Variants in TNS3 observed in about 807,000 individuals in gnomAD.
TNS3 encodes tensin 3, also known as tensin-3.
A neutral mutation model predicts 140.9 loss-of-function variants in TNS3; 45 were observed. The observed-to-expected ratio is 0.32, with a 90% confidence interval of 0.25 to 0.41. TNS3 has a LOEUF of 0.41. Among genes scored for constraint, TNS3 ranks in the 10% least tolerant of loss-of-function variants. The pLI, the probability that TNS3 is intolerant of heterozygous loss-of-function variation, is 1.00. For synonymous variants in TNS3, 815 were observed against 788.4 expected (o/e 1.03, Z -0.56); for missense variants, 1,716 against 1,906.7 (o/e 0.90, Z 1.86).
chr7:47,396,378 A>C (rs1179819561), intron 16 of TNS3, among the ~76,000 whole-genome samples: 1 of 152,270 alleles, frequency 6.6e-6, no homozygotes, highest in Admixed American at 6.5e-5. Flanking sequence ...ACTAACAAGC[A>C]AACAGAAATT....
chr7:47,394,848 C>T (rs1792734962), intron 16 of TNS3, among the ~76,000 whole-genome samples: 1 of 152,258 alleles, frequency 6.6e-6, no homozygotes, highest in African/African-American at 2.4e-5. Flanking sequence ...CTGGTTGTGA[C>T]ATGGGAAGGA....
intron 1 of TNS3, among the ~76,000 whole-genome samples, chr7:47,565,355 A>G (rs556772829): frequency 4.8e-4 from 72 of 150,138 alleles, no homozygotes; most frequent in Non-Finnish European, 9.5e-4. Flanking sequence ...GATTACAGGC[A>G]TGAGCCACCG....
At chr7:47,352,292 ATT>A (rs1789728540) in intron 17 of TNS3, among the ~76,000 whole-genome samples, 3 of 152,086 alleles carry the variant, frequency 2.0e-5, no homozygotes, top group Admixed American at 2.0e-4. Context: ...TGATACACAC[ATT>A]GTCACACTCA....
rs56823708 is a variant in TNS3, at chr7:47,361,206, C to CAAAAA, written c.2281+7154_2281+7158dup. On this transcript the variant is annotated intron_variant, in intron 17 of 30. Coordinates refer to ENST00000311160, the MANE Select transcript of TNS3 (RefSeq NM_022748.12). ...TCTTCTGGTAAGACAGTAACCATGC[C>CAAAAA]AAAAAAAAAAAAAAAAAACAAGCAA... is the stretch of plus-strand genomic sequence containing the variant. Among the ~76,000 whole-genome samples, 273 of 47,176 alleles carry CAAAAA rather than the reference C, an allele frequency of 5.8e-3. 6 individuals carry two copies. Among genetic ancestry groups the CAAAAA allele is most frequent in the East Asian group, 0.011 (19 of 1,696 alleles). The allele number at this position is 47,176 out of a possible 152,430, so 30.9% of individuals were successfully genotyped here. A position where few individuals can be genotyped will look rare whatever the true frequency, so the allele number is the denominator to read the frequency against.
At position 47,344,804 on chromosome 7, in the gene TNS3, T is replaced by C. The variant is rs757904976; in HGVS notation, c.2601A>G (p.Pro867=). The change falls in exon 20 of 31, where the codon CCA becomes CCG. Residue 867 remains proline (P), a synonymous_variant. Coordinates refer to ENST00000311160, the MANE Select transcript of TNS3 (RefSeq NM_022748.12). ...CTGGGCTGCTCAGCGGGGGCTCAGG[T>C]GGGCTGAACGGAGGATGGCGCAGCG... The part of the protein sequence containing the change: ...KTALRHPPFS[P]PEPPLSSPAS... 42 of 1,613,194 alleles carry C rather than the reference T, an allele frequency of 2.6e-5. No homozygotes were observed. The highest frequency in any genetic ancestry group is 3.4e-5 in the Non-Finnish European group (40 of 1,180,012).
At position 47,415,076 on chromosome 7, in the gene TNS3, G is replaced by GTCATA; in HGVS notation, c.586+13_586+17dup. On this transcript the variant is annotated intron_variant, in intron 11 of 30. Transcript: ENST00000311160. ...TGGGCCAGCCAATCGCAGGTGCCAC[G>GTCATA]TCATAGGGGACACTCACCTCCACCT... is the stretch of plus-strand genomic sequence containing the variant. 6.3e-7 allele frequency: 1 copy of GTCATA among 1,592,898 alleles called. No individual in the cohort carries two copies. The highest frequency in any genetic ancestry group is 1.7e-4 in the Middle Eastern group (1 of 5,932).
chr7:47,404,939 G>A (rs1793362477), intron 13 of TNS3, among the ~76,000 whole-genome samples: 3 of 152,110 alleles, frequency 2.0e-5, no homozygotes, highest in South Asian at 2.1e-4. Flanking sequence ...GACTGGACTG[G>A]ACAAGTTGCT....
At chr7:47,437,403 A>G (rs1795237581) in intron 6 of TNS3, 90 bp from the exon 7 acceptor site, 1 of 518,140 alleles carries the variant, frequency 1.9e-6, no homozygotes, top group Non-Finnish European at 2.9e-6. Flanking sequence ...TTTAATTAAT[A>G]CTAATTTTTT....
intron 1 of TNS3, among the ~76,000 whole-genome samples, chr7:47,567,942 G>T (rs1468104894): frequency 6.6e-6 from 1 of 151,998 alleles, no homozygotes; most frequent in South Asian, 2.1e-4. Flanking sequence ...TCTGCCAGTC[G>T]CCCCCTAAAA....
intron 1 of TNS3, among the ~76,000 whole-genome samples, chr7:47,569,343 G>C (rs1432217787): frequency 1.3e-5 from 2 of 152,078 alleles, no homozygotes; most frequent in Non-Finnish European, 2.9e-5. Context: ...AGGAGTTCCA[G>C]ACCGGCCTGG....
chr7:47,302,051 TG>T, intron 23 of TNS3, 134 bp downstream of exon 23: 1 of 682,878 alleles, frequency 1.5e-6, no homozygotes, highest in African/African-American at 1.8e-5. Flanking sequence ...GAATAACGTG[TG>T]GGCCCTGCTC....
intron 2 of TNS3, among the ~76,000 whole-genome samples, chr7:47,509,650 C>T (rs1798538101): frequency 6.6e-6 from 1 of 152,150 alleles, no homozygotes; most frequent in Non-Finnish European, 1.5e-5. Context: ...ATGAATCAAA[C>T]AGTGCCCAGG....
chr7:47,455,123 G>A (rs985768074), intron 4 of TNS3, among the ~76,000 whole-genome samples: 15 of 152,290 alleles, frequency 9.8e-5, no homozygotes, highest in Admixed American at 2.0e-4. Context: ...TGGGATGTCG[G>A]GGGTGCTGAC....
chr7:47,534,822 G>C (rs950291100), intron 1 of TNS3, among the ~76,000 whole-genome samples: 3 of 152,140 alleles, frequency 2.0e-5, no homozygotes, highest in Non-Finnish European at 4.4e-5. Context: ...GGTAACACTA[G>C]CTAAGTGCTT....
intron 16 of TNS3, among the ~76,000 whole-genome samples, chr7:47,381,443 ACTCTTT>A (rs1791753569): frequency 6.6e-6 from 1 of 151,966 alleles, no homozygotes; most frequent in Non-Finnish European, 1.5e-5. Flanking sequence ...ACAGTGGCTT[ACTCTTT>A]GCTTTGGCTC....
rs768638733 is a variant in TNS3, at chr7:47,415,084, G to A, written c.586+10C>T. 10 of 1,603,230 alleles carry A rather than the reference G, an allele frequency of 6.2e-6. No individual in the cohort carries two copies. The highest frequency in any genetic ancestry group is 8.5e-6 in the Non-Finnish European group (10 of 1,172,824). On this transcript the variant is annotated intron_variant, in intron 11 of 30. Transcript: ENST00000311160. Reference sequence around the variant, plus strand: ...CCAATCGCAGGTGCCACGTCATAGGGGACACTCACCTCCACCTGTGTCGAA... The same window carrying A: ...CCAATCGCAGGTGCCACGTCATAGGAGACACTCACCTCCACCTGTGTCGAA...
chr7:47,415,327 GCTCACAGCCAGGGGTT>G lies in TNS3; in HGVS notation c.474-137_474-122del. ...GGCTCTGGGAGAGAATCGGTCCACT[GCTCACAGCCAGGGGTT>G]CTCAGCATGGTGCTGCGCTTACAGG... On this transcript the variant is annotated intron_variant, in intron 10 of 30. Transcript: ENST00000311160. The G allele has an allele frequency of 7.6e-6, 5 of 658,812 alleles. 1 individual carries two copies. 40.8% of individuals were successfully genotyped at this position (658,812 alleles called of 1,614,324 possible). A position where few individuals can be genotyped will look rare whatever the true frequency, so the allele number is the denominator to read the frequency against.
intron 1 of TNS3, among the ~76,000 whole-genome samples, chr7:47,570,016 G>A (rs906668230): frequency 6.6e-6 from 1 of 152,142 alleles, no homozygotes; most frequent in African/African-American, 2.4e-5. Context: ...CAGGCGTGGT[G>A]GCAGGCGCCT....
Position 47,290,257 on chromosome 7 carries a change from A to C in TNS3, c.3928+1698T>G, listed in dbSNP as rs190690362. Among the ~76,000 whole-genome samples the C allele has an allele frequency of 2.0e-5, 3 of 152,340 alleles. No homozygotes were observed. The East Asian group carries it at 5.8e-4, about 29-fold the overall frequency. ...TTAACTTAAAACGGATCACAGACTT[A>C]AAGGTAAAATTTGAAACTATAAAAT... is the stretch of plus-strand genomic sequence containing the variant. On this transcript the variant is annotated intron_variant, in intron 27 of 30. Coordinates refer to ENST00000311160, the MANE Select transcript of TNS3 (RefSeq NM_022748.12).
Sources: gnomAD v4.1 joint callset for allele counts (sites outside exome capture counted in the v4.1 genomes callset) on GRCh38, gnomAD v4.1.1 for gene constraint, MANE v1.5 for transcripts, NCBI Gene and HGNC (gene_info 2026-07-23, HGNC 2026-07-21) for gene names.